ITSN2: variants seen among roughly 807,000 people sequenced by gnomAD.
ITSN2 encodes intersectin-2.
In ITSN2, 156 loss-of-function variants were observed where a neutral mutation model predicts 243.7. That is an observed-to-expected ratio of 0.64 (90% CI 0.56 to 0.73). ITSN2 has a LOEUF of 0.73. ITSN2 is among the 30% of genes least tolerant of loss of function. ITSN2 has a pLI of 0.00. For missense variants in ITSN2, 1,801 were observed against 1,996.1 expected, an observed-to-expected ratio of 0.90 and a Z score of 1.86; for synonymous variants, 703 against 699.9, an observed-to-expected ratio of 1.00 and a Z score of -0.07.
At chr2:24,323,126 C>G (rs1057038746) in intron 2 of ITSN2, among the ~76,000 whole-genome samples, 2 of 151,824 alleles carry the variant, frequency 1.3e-5, no homozygotes, top group Admixed American at 6.6e-5. Flanking sequence ...GCAAATGTGA[C>G]AGTCACTTTG....
At chr2:24,264,673 CCT>C (rs74199413) in intron 20 of ITSN2, among the ~76,000 whole-genome samples, 70,795 of 74,302 alleles carry the variant, frequency 0.95, 34,086 homozygotes, top group East Asian at 0.98. Context: ...TGCTTTTGCA[CCT>C]CTGTCGAAAA....
chr2:24,340,149 C>G (rs536351425), intron 1 of ITSN2, among the ~76,000 whole-genome samples: 1 of 152,120 alleles, frequency 6.6e-6, no homozygotes, highest in African/African-American at 2.4e-5. Flanking sequence ...CATTGCTGTG[C>G]AAGTCATGGA....
At position 24,301,187 on chromosome 2, in the gene ITSN2, T is replaced by C; in HGVS notation, c.1048A>G (p.Met350Val). Reference sequence around the variant, plus strand: ...TTCTTCTGAGGCTCCTCTTCTTGCATTTTCTGATATGAAGGCAGAGTTCCA... The same window carrying C: ...TTCTTCTGAGGCTCCTCTTCTTGCACTTTCTGATATGAAGGCAGAGTTCCA... ...INGTLPSYQK[M>V]QEEEPQKKLP... is the part of the protein sequence containing the mutation. Residue 350 changes from methionine to valine, a missense_variant, in exon 11 of 40, where the codon ATG becomes GTG. Coordinates refer to ENST00000355123, the MANE Select transcript of ITSN2 (RefSeq NM_006277.3). The C allele has an allele frequency of 6.2e-7, 1 of 1,608,552 alleles. No individual in the cohort carries two copies. The highest frequency in any genetic ancestry group is 8.5e-7 in the Non-Finnish European group (1 of 1,176,582).
At position 24,308,638 on chromosome 2, in the gene ITSN2, T is replaced by G. The variant is rs1682856241; in HGVS notation, c.772A>C (p.Ser258Arg). Residue 258 changes from serine to arginine, a missense_variant, in exon 8 of 40, where the codon AGT (serine) becomes CGT (arginine). By Grantham distance (110) the Ser-to-Arg change is moderately radical. Around this residue, in one of 5 missense-constraint regions of ITSN2, gnomAD observed 787 missense variants for 803.9 expected, o/e 0.98. Transcript: ENST00000355123. Reference protein sequence around the residue: ...YRQKFNTLDKSMSGYLSGFQA... With the variant: ...YRQKFNTLDKRMSGYLSGFQA... Reference sequence around the variant, plus strand: ...TTACCTGAGAGATATCCACTCATACTTTTGTCAAGAGTATTAAATTTTTGC... The same window carrying G: ...TTACCTGAGAGATATCCACTCATACGTTTGTCAAGAGTATTAAATTTTTGC... 1 of 1,517,008 alleles carries G rather than the reference T, an allele frequency of 6.6e-7. No individual in the cohort carries two copies. Among genetic ancestry groups the G allele is most frequent in the Non-Finnish European group, 8.9e-7 (1 of 1,128,000 alleles). The allele number at this position is 1,517,008 out of a possible 1,614,324, so 94.0% of individuals were successfully genotyped here. A position where few individuals can be genotyped will look rare whatever the true frequency, so the allele number is the denominator to read the frequency against.
chr2:24,222,196 G>A (rs1670525641), intron 29 of ITSN2, among the ~76,000 whole-genome samples: 1 of 142,300 alleles, frequency 7.0e-6, no homozygotes, highest in Non-Finnish European at 1.5e-5. Flanking sequence ...AGGTTGCAGT[G>A]AGCCGAGATC....
intron 2 of ITSN2, among the ~76,000 whole-genome samples, chr2:24,316,773 G>A (rs1574288380): frequency 6.6e-6 from 1 of 152,184 alleles, no homozygotes; most frequent in Non-Finnish European, 1.5e-5. Flanking sequence ...ACCTCCACCT[G>A]CAGTGGTGGC....
chr2:24,261,030 T>C, intron 22 of ITSN2, 76 bp downstream of exon 22: 1 of 1,319,198 alleles, frequency 7.6e-7, no homozygotes, highest in South Asian at 1.4e-5. Context: ...AATGGTCCTT[T>C]GTATATAATT....
At chr2:24,276,085 G>A (rs766313540) in intron 17 of ITSN2, among the ~76,000 whole-genome samples, 2 of 151,714 alleles carry the variant, frequency 1.3e-5, no homozygotes, top group Non-Finnish European at 2.9e-5. Flanking sequence ...TCATTTCTAC[G>A]GAACACAGAA....
At chr2:24,271,702 T>C in intron 19 of ITSN2, 64 bp downstream of exon 19, 1 of 1,434,472 alleles carries the variant, frequency 7.0e-7, no homozygotes, top group Non-Finnish European at 9.2e-7. Flanking sequence ...TTTTTTTGTC[T>C]CTTATCAGGT....
intron 1 of ITSN2, chr2:24,330,771 C>CTT (rs903037107): frequency 9.0e-4 from 356 of 394,440 alleles, no homozygotes; most frequent in African/African-American, 3.0e-3. Flanking sequence ...TTTCATTTTA[C>CTT]TTTTTTTTTT....
chr2:24,353,782 T>C (rs35624938), intron 1 of ITSN2, among the ~76,000 whole-genome samples: 27,311 of 152,026 alleles, frequency 0.18, 3,103 homozygotes, highest in Non-Finnish European at 0.26. Context: ...GAATCTGTCA[T>C]AAGGAAATAA....
chr2:24,220,204 G>A, intron 30 of ITSN2: 1 of 374,234 alleles, frequency 2.7e-6, no homozygotes, highest in Non-Finnish European at 3.7e-6. Flanking sequence ...CGCTGCACCT[G>A]TTGGGTGTGT....
chr2:24,230,065 T>C (rs561367366), intron 29 of ITSN2, among the ~76,000 whole-genome samples: 1 of 152,286 alleles, frequency 6.6e-6, no homozygotes, highest in South Asian at 2.1e-4. Flanking sequence ...AGCCTGAACA[T>C]CTTCCCTGAA....
chr2:24,221,322 C>T (rs1670431847), intron 29 of ITSN2: 1 of 411,068 alleles, frequency 2.4e-6, no homozygotes, highest in East Asian at 5.6e-5. Flanking sequence ...CTTTTCAGAA[C>T]TGTGCAGAGC....
In ITSN2 at chr2:24,298,728, T is replaced by C; in HGVS notation, c.1431A>G (p.Glu477=). ...RQELLNQKNR[E]QEEIVRLNSK... ...AGTTTAACCTGACAATTTCTTCTTG[T>C]TCTCTATTCTTTTGATTGAGAAGCT... Residue 477 remains glutamate (E), a synonymous_variant, in exon 13 of 40, where the codon GAA becomes GAG. Transcript: ENST00000355123. The C allele has an allele frequency of 6.2e-7, 1 of 1,613,216 alleles. No homozygotes were observed. The highest frequency in any genetic ancestry group is 8.5e-7 in the Non-Finnish European group (1 of 1,179,582).
chr2:24,222,926 T>C (rs1156514894), intron 29 of ITSN2, among the ~76,000 whole-genome samples: 1 of 152,188 alleles, frequency 6.6e-6, no homozygotes, highest in East Asian at 1.9e-4. Context: ...TCCGCCCACC[T>C]TGGCCTCCCA....
At chr2:24,315,019 A>C in intron 3 of ITSN2, 113 bp downstream of exon 3, 1 of 468,792 alleles carries the variant, frequency 2.1e-6, no homozygotes. Flanking sequence ...ATTCTGATTG[A>C]TATGAATTTT....
intron 18 of ITSN2, among the ~76,000 whole-genome samples, chr2:24,274,342 G>T (rs530320469): frequency 1.3e-5 from 2 of 152,144 alleles, no homozygotes; most frequent in Non-Finnish European, 2.9e-5. Context: ...GGCCAAGGTG[G>T]GCAGATCGCT....
rs771109606 is a variant in ITSN2, at chr2:24,248,580, T to C, written c.3288+49A>G. 8.8e-6 allele frequency: 13 copies of C among 1,479,684 alleles called. No homozygotes were observed. In the South Asian group the frequency reaches 1.1e-4, roughly 13 times the overall value. 91.7% of individuals were successfully genotyped at this position (1,479,684 alleles called of 1,614,324 possible). A position where few individuals can be genotyped will look rare whatever the true frequency, so the allele number is the denominator to read the frequency against. Reference sequence around the variant, plus strand: ...TTAATTTTATCTTTTTTATGGAGCATGCAGTACTTTTATAATAAAATTTAT... The same window carrying C: ...TTAATTTTATCTTTTTTATGGAGCACGCAGTACTTTTATAATAAAATTTAT... On this transcript the variant is annotated intron_variant, in intron 27 of 39. Transcript: ENST00000355123.
Sources: gnomAD v4.1 joint callset for allele counts (sites outside exome capture counted in the v4.1 genomes callset) on GRCh38, gnomAD v4.1.1 for gene constraint, gnomAD v4.1.1 regional missense constraint, MANE v1.5 for transcripts, NCBI Gene and HGNC (gene_info 2026-07-23, HGNC 2026-07-21) for gene names.